The following GTF2B variants were observed in gnomAD, a reference collection of about 807,000 sequenced individuals.
The protein encoded by GTF2B is general transcription factor IIB, also known as transcription initiation factor IIB.
A neutral mutation model predicts 34.6 loss-of-function variants in GTF2B; 20 were observed. The ratio of observed to expected loss-of-function variants is 0.58; its 90% CI spans 0.41 to 0.84. The LOEUF (loss-of-function observed/expected upper bound fraction) is 0.84. GTF2B is among the 40% of genes least tolerant of loss of function. The pLI, the probability that GTF2B is intolerant of heterozygous loss-of-function variation, is 0.00. For missense variants in GTF2B, 237 were observed against 393.3 expected (o/e 0.60, Z 3.36); for synonymous variants, 142 against 132.4 (o/e 1.07, Z -0.50).
intron 2 of GTF2B, among the ~76,000 whole-genome samples, chr1:88,866,353 T>G (rs749556237): frequency 6.6e-6 from 1 of 152,162 alleles, no homozygotes; most frequent in Non-Finnish European, 1.5e-5. Context: ...CTGTCTAAAG[T>G]AAGCAAATGC....
intron 2 of GTF2B, among the ~76,000 whole-genome samples, chr1:88,883,827 A>C (rs909957445): frequency 1.3e-5 from 2 of 152,166 alleles, no homozygotes; most frequent in Middle Eastern, 3.2e-3. Flanking sequence ...TACGTTTTCA[A>C]TCTTGGCAAA....
intron 2 of GTF2B, among the ~76,000 whole-genome samples, chr1:88,870,077 A>G (rs1305789232): frequency 3.3e-5 from 5 of 151,340 alleles, no homozygotes; most frequent in East Asian, 2.0e-4. Context: ...ACAGGCGCCC[A>G]CCACCACGCC....
intron 2 of GTF2B, among the ~76,000 whole-genome samples, chr1:88,865,496 C>T (rs1303570775): frequency 5.9e-5 from 9 of 151,806 alleles, no homozygotes; most frequent in Non-Finnish European, 1.2e-4. Context: ...CCGAGGCAGG[C>T]GGATCACCTG....
intron 5 of GTF2B, among the ~76,000 whole-genome samples, chr1:88,858,503 G>A (rs1673369043): frequency 6.6e-6 from 1 of 152,154 alleles, no homozygotes; most frequent in African/African-American, 2.4e-5. Context: ...CTGCGATTAT[G>A]GGCTGTAGCT....
chr1:88,863,185 A>G (rs373295205), intron 3 of GTF2B, among the ~76,000 whole-genome samples: 6 of 152,330 alleles, frequency 3.9e-5, no homozygotes, highest in Middle Eastern at 3.4e-3. Context: ...TACTTTACAT[A>G]CATTCTCATG....
At position 88,885,226 on chromosome 1, in the gene GTF2B, G is replaced by C. The variant is rs143335424; in HGVS notation, c.124+2035C>G. 5.4e-3 allele frequency among the ~76,000 whole-genome samples: 823 copies of C among 152,026 alleles called. 5 individuals are homozygous for C. The highest frequency in any genetic ancestry group is 0.019 in the African/African-American group (801 of 41,476). ...GGCTGAGGCTGGTGGATCACCTGAG[G>C]TCAGGAGTTCAAGACCAGCCTGGCC... On this transcript the variant is annotated intron_variant, in intron 2 of 6. Coordinates refer to ENST00000370500, the MANE Select transcript of GTF2B (RefSeq NM_001514.6).
chr1:88,863,964 C>A lies in GTF2B; in HGVS notation c.258+17G>T, dbSNP rs750342015. 4.3e-6 allele frequency: 7 copies of A among 1,611,846 alleles called. No individual in the cohort carries two copies. Among genetic ancestry groups the A allele is most frequent in the South Asian group, 1.1e-5 (1 of 91,016 alleles). The stretch of plus-strand genomic sequence containing the variant: ...GTCACTCTGCAATTGGTATTTCCTG[C>A]CAAATGGACTTATTACCTTGCCAAT... On this transcript the variant is annotated intron_variant, in intron 3 of 6. Transcript: ENST00000370500.
chr1:88,855,916 C>A (rs919520454), intron 6 of GTF2B, among the ~76,000 whole-genome samples: 2 of 152,192 alleles, frequency 1.3e-5, no homozygotes. Flanking sequence ...TGCATTTGTT[C>A]ATGAATAACT....
At chr1:88,890,807 A>G (rs1248308788) in intron 1 of GTF2B, among the ~76,000 whole-genome samples, 1 of 152,142 alleles carries the variant, frequency 6.6e-6, no homozygotes, top group Non-Finnish European at 1.5e-5. Flanking sequence ...TTAAATATAT[A>G]CTAAAAAGCG....
chr1:88,873,567 G>A (rs1046102719), intron 2 of GTF2B, among the ~76,000 whole-genome samples: 3 of 152,134 alleles, frequency 2.0e-5, no homozygotes, highest in Admixed American at 6.6e-5. Context: ...AAATAGTAGT[G>A]ACTTAAACAA....
intron 2 of GTF2B, among the ~76,000 whole-genome samples, chr1:88,870,575 G>C (rs1002643486): frequency 1.3e-5 from 2 of 151,918 alleles, no homozygotes; most frequent in African/African-American, 2.4e-5. Context: ...ACTACTAATT[G>C]CTATATTTTA....
At position 88,864,044 on chromosome 1, in the gene GTF2B, A is replaced by T; in HGVS notation, c.195T>A (p.Ser65=). ...GAGGATTCTGAGAATCTCCAACTCGAGATGGATCTTTTGTTGCTTTGTCAT... is the reference window on the plus strand; with the variant it reads ...GAGGATTCTGAGAATCTCCAACTCGTGATGGATCTTTTGTTGCTTTGTCAT... ...FSNDKATKDP[S]RVGDSQNPLL... The change falls in exon 3 of 7, where the codon TCT becomes TCA. Residue 65 remains serine (S), a synonymous_variant. Transcript: ENST00000370500. 6.2e-7 allele frequency: 1 copy of T among 1,613,426 alleles called. No individual in the cohort carries two copies. The highest frequency in any genetic ancestry group is 2.2e-5 in the East Asian group (1 of 44,868).
chr1:88,855,937 T>C (rs938139798), intron 6 of GTF2B, among the ~76,000 whole-genome samples: 2 of 152,240 alleles, frequency 1.3e-5, no homozygotes, highest in Non-Finnish European at 2.9e-5. Context: ...TCTGTAATCC[T>C]CAAAGACTTA....
chr1:88,860,024 G>A lies in GTF2B; in HGVS notation c.406-13C>T. On this transcript the variant is annotated splice_polypyrimidine_tract_variant and intron_variant, in intron 4 of 6. Transcript: ENST00000370500. ...TATTTGTTCGATCCTTCAAAGCAGA[G>A]AAACTAAGTTTAACTCTACGTCATT... The A allele has an allele frequency of 6.2e-7, 1 of 1,613,164 alleles. No individual in the cohort carries two copies.
intron 2 of GTF2B, among the ~76,000 whole-genome samples, chr1:88,883,289 A>G (rs1258902733): frequency 6.6e-6 from 1 of 152,130 alleles, no homozygotes; most frequent in African/African-American, 2.4e-5. Flanking sequence ...GAAAAATCTT[A>G]CTCTTGGCCC....
intron 2 of GTF2B, among the ~76,000 whole-genome samples, chr1:88,877,938 A>G (rs1462722630): frequency 6.6e-6 from 1 of 152,100 alleles, no homozygotes; most frequent in Non-Finnish European, 1.5e-5. Flanking sequence ...CTCAAAAACA[A>G]AACAAACAAA....
rs768580832 is a variant in GTF2B, at chr1:88,853,273, T to C, written c.891A>G (p.Pro297=). The part of the protein sequence containing the change: ...QSYRLIYPRA[P]DLFPTDFKFD... ...ATTTGAAGTCTGTAGGAAACAGATCTGGGGCTCGAGGATAGATCAGTCTAT... is the reference window on the plus strand; with the variant it reads ...ATTTGAAGTCTGTAGGAAACAGATCCGGGGCTCGAGGATAGATCAGTCTAT... The change falls in exon 7 of 7, where the codon CCA becomes CCG. Residue 297 remains proline (P), a synonymous_variant. Coordinates refer to ENST00000370500, the MANE Select transcript of GTF2B (RefSeq NM_001514.6). 3.7e-6 allele frequency: 6 copies of C among 1,612,188 alleles called. No homozygotes were observed. In the Admixed American group the frequency reaches 1.0e-4, roughly 27 times the overall value.
intron 6 of GTF2B, 122 bp from the exon 7 acceptor site, chr1:88,853,468 G>T: frequency 2.3e-6 from 2 of 880,634 alleles, no homozygotes; most frequent in Non-Finnish European, 3.6e-6. Flanking sequence ...AACCAGAAGT[G>T]ATTTCTAAAA....
intron 1 of GTF2B, 118 bp downstream of exon 1, chr1:88,891,365 C>G (rs1674202470): frequency 1.4e-6 from 1 of 701,980 alleles, no homozygotes; most frequent in Non-Finnish European, 2.4e-6. Context: ...GCCAGTCCCG[C>G]CGCTTCTCTC....
Sources: allele counts gnomAD v4.1 joint callset (sites outside exome capture counted in the v4.1 genomes callset), GRCh38; gene constraint gnomAD v4.1.1; transcripts MANE v1.5; gene names NCBI Gene and HGNC (gene_info 2026-07-23, HGNC 2026-07-21).